PSMA6: variants seen among roughly 807,000 people sequenced by gnomAD.
PSMA6 encodes proteasome 20S subunit alpha 6.
For missense variants in PSMA6, 170 were observed against 294.8 expected (o/e 0.58, Z 3.10); for synonymous variants, 88 against 97.7 (o/e 0.90, Z 0.59).
chr14:35,285,073 T>A (rs565432961), intron 1 of PSMA6, among the ~76,000 whole-genome samples: 1 of 151,958 alleles, frequency 6.6e-6, no homozygotes, highest in Non-Finnish European at 1.5e-5. Flanking sequence ...AAAACTGGAG[T>A]CAGGTGCGAT....
chr14:35,286,424 G>A (rs2051422568), intron 1 of PSMA6, among the ~76,000 whole-genome samples: 1 of 152,186 alleles, frequency 6.6e-6, no homozygotes, highest in South Asian at 2.1e-4. Context: ...GTTTCTTCCA[G>A]TATTGTGGGG....
chr14:35,293,230 G>A, intron 1 of PSMA6: 1 of 327,914 alleles, frequency 3.0e-6, no homozygotes, highest in East Asian at 8.0e-5. Flanking sequence ...ACCCACATCT[G>A]TTTGAATGCT....
At position 35,307,119 on chromosome 14, in the gene PSMA6, A is replaced by C. The variant is rs191230873; in HGVS notation, c.77-875A>C. Among the ~76,000 whole-genome samples the C allele has an allele frequency of 7.1e-4, 108 of 152,172 alleles. 1 individual carries two copies. Among genetic ancestry groups the C allele is most frequent in the Non-Finnish European group, 1.4e-3 (93 of 67,966 alleles). ...GCCAAGATCGTGCCACCTCACTCCAACCTGGGCGACAGAGCGAGACTCCAT... is the reference window on the plus strand; with the variant it reads ...GCCAAGATCGTGCCACCTCACTCCACCCTGGGCGACAGAGCGAGACTCCAT... On this transcript the variant is annotated intron_variant, in intron 1 of 6. Coordinates refer to ENST00000261479, the MANE Select transcript of PSMA6 (RefSeq NM_002791.3).
At chr14:35,301,494 G>A (rs1182344210) in intron 1 of PSMA6, among the ~76,000 whole-genome samples, 2 of 146,234 alleles carry the variant, frequency 1.4e-5, no homozygotes, top group Non-Finnish European at 3.0e-5. Context: ...GTGACAGAGT[G>A]AGACTCCATC....
intron 1 of PSMA6, among the ~76,000 whole-genome samples, chr14:35,285,349 A>AAAAC (rs1555335385): frequency 2.8e-4 from 10 of 35,140 alleles, no homozygotes; most frequent in African/African-American, 4.2e-4. Context: ...CAAAAAAAAC[A>AAAAC]AAAAACAAAA....
At chr14:35,292,966 G>A (rs983983160) in intron 1 of PSMA6, 7 of 461,884 alleles carry the variant, frequency 1.5e-5, no homozygotes, top group Non-Finnish European at 3.0e-5. Flanking sequence ...GGACTTCTGT[G>A]GTTAATTCCA....
At chr14:35,303,994 A>T in intron 1 of PSMA6, among the ~76,000 whole-genome samples, 1 of 149,328 alleles carries the variant, frequency 6.7e-6, no homozygotes. Context: ...TTTTTTTTAG[A>T]CGGAGTCTCG....
chr14:35,289,496 C>CT (rs200016708), upstream of PSMA6, among the ~76,000 whole-genome samples: 16,321 of 151,650 alleles, frequency 0.11, 930 homozygotes, highest in Middle Eastern at 0.16. Context: ...TACTGCATGG[C>CT]TTTTTTTGTT....
chr14:35,285,358 A>AAC lies in PSMA6; in HGVS notation c.19+6641_19+6642insCA, dbSNP rs770349299. 3.5e-4 allele frequency among the ~76,000 whole-genome samples: 52 copies of AAC among 150,498 alleles called. 1 individual carries two copies. In the South Asian group the frequency reaches 5.2e-3, roughly 15 times the overall value. Reference sequence around the variant, plus strand: ...CTATCTCAAAAAAAACAAAAAACAAAAAAAAAAACCGTAGCACACTCTTGC... The same window carrying AAC: ...CTATCTCAAAAAAAACAAAAAACAAAACAAAAAAAACCGTAGCACACTCTTGC... On this transcript the variant is annotated intron_variant, in intron 1 of 6. Coordinates refer to the PSMA6 transcript ENST00000540871.
rs1225579705 is a variant in PSMA6 at position 35,309,002 on chromosome 14, A to G, written c.253+7A>G. The G allele has an allele frequency of 6.4e-7, 1 of 1,567,138 alleles. No homozygotes were observed. Among genetic ancestry groups the G allele is most frequent in the African/African-American group, 1.4e-5 (1 of 73,678 alleles). ...GTGATGACCGGAATGACAGGTAATT[A>G]ATCTGTAGATATACAAGACATCTGT... On this transcript the variant is annotated splice_region_variant and intron_variant, in intron 3 of 6. Transcript: ENST00000261479.
chr14:35,299,406 T>G (rs148499071), intron 1 of PSMA6, among the ~76,000 whole-genome samples: 8,507 of 143,136 alleles, frequency 0.059, 327 homozygotes, highest in Middle Eastern at 0.11. Context: ...TGCTGCGACC[T>G]CTGTCTCCTG....
upstream of PSMA6, among the ~76,000 whole-genome samples, chr14:35,291,046 C>T (rs2051472868): frequency 1.3e-5 from 2 of 151,582 alleles, no homozygotes; most frequent in Admixed American, 6.6e-5. Context: ...GGCTGGAGTG[C>T]AGTGGCGTGA....
chr14:35,298,924 GA>G (rs2051653672), intron 1 of PSMA6, among the ~76,000 whole-genome samples: 1 of 151,976 alleles, frequency 6.6e-6, no homozygotes, highest in Admixed American at 6.6e-5. Flanking sequence ...AGTACAGACA[GA>G]GTTTCACCAT....
intron 1 of PSMA6, among the ~76,000 whole-genome samples, chr14:35,282,504 A>T (rs1291862672): frequency 6.6e-6 from 1 of 151,844 alleles, no homozygotes; most frequent in African/African-American, 2.4e-5. Flanking sequence ...CAAGCAATCC[A>T]CTTATCTCGG....
Position 35,317,257 on chromosome 14 carries a change from C to G in PSMA6, c.692C>G (p.Thr231Arg). 6.2e-7 allele frequency: 1 copy of G among 1,612,872 alleles called. No homozygotes were observed. The highest frequency in any genetic ancestry group is 8.5e-7 in the Non-Finnish European group (1 of 1,179,274). The change falls in exon 7 of 7, where the codon ACA becomes AGA. Residue 231 changes from threonine (T) to arginine (R), a missense_variant. Coordinates refer to ENST00000261479, the MANE Select transcript of PSMA6 (RefSeq NM_002791.3). ...CCCCTTTTGCCTTCTAGGATTCTTA[C>G]AGAAGCAGAGATTGATGCTCACCTT... ...TVENPKFRIL[T>R]EAEIDAHLVA... is the part of the protein sequence containing the mutation.
intron 1 of PSMA6, among the ~76,000 whole-genome samples, chr14:35,304,550 C>G (rs1451756496): frequency 6.6e-6 from 1 of 151,836 alleles, no homozygotes; most frequent in African/African-American, 2.4e-5. Context: ...GCCAACATGG[C>G]GAAACCTCGT....
chr14:35,317,363 A>G lies in PSMA6; in HGVS notation c.*57A>G. 6.9e-7 allele frequency: 1 copy of G among 1,447,328 alleles called. No individual in the cohort carries two copies. Among genetic ancestry groups the G allele is most frequent in the Non-Finnish European group, 9.7e-7 (1 of 1,031,196 alleles). The allele number at this position is 1,447,328 out of a possible 1,614,324, so 89.7% of individuals were successfully genotyped here. A position where few individuals can be genotyped will look rare whatever the true frequency, so the allele number is the denominator to read the frequency against. ...CCACTTACCTGTGTGTTTGGTAACA[A>G]CAAACCAACATCATGGAGGTCCCTG... On this transcript the variant is annotated 3_prime_UTR_variant, in exon 7 of 7. Transcript: ENST00000261479.
intron 1 of PSMA6, among the ~76,000 whole-genome samples, chr14:35,294,269 G>A (rs1566552386): frequency 1.4e-5 from 2 of 144,678 alleles, no homozygotes. Context: ...AACCTCAGGT[G>A]ATCCACCCAC....
chr14:35,291,825 A>G (rs868641507), upstream of PSMA6, among the ~76,000 whole-genome samples: 2 of 92,140 alleles, frequency 2.2e-5, no homozygotes, highest in East Asian at 5.0e-4. Context: ...CTCTGTCTCA[A>G]AAAAAAAAAA....
Sources: allele counts gnomAD v4.1 joint callset (sites outside exome capture counted in the v4.1 genomes callset), GRCh38; gene constraint gnomAD v4.1.1; transcripts MANE v1.5; gene names NCBI Gene and HGNC (gene_info 2026-07-23, HGNC 2026-07-21).